The following OPA1 variants were observed in gnomAD, a reference collection of about 807,000 sequenced individuals.
The protein encoded by OPA1 is dynamin-like GTPase OPA1, mitochondrial.
A neutral mutation model predicts 152.9 loss-of-function variants in OPA1; 59 were observed. That is an observed-to-expected ratio of 0.39 (90% CI 0.31 to 0.48). The LOEUF is 0.48. OPA1 is among the 20% of genes least tolerant of loss of function. The pLI is 0.96. For missense variants in OPA1, 1,008 were observed against 1,216.8 expected (o/e 0.83, Z 2.55); for synonymous variants, 400 against 389.9 (o/e 1.03, Z -0.31).
At chr3:193,622,766 A>G (rs886846971) in intron 6 of OPA1, among the ~76,000 whole-genome samples, 1 of 152,134 alleles carries the variant, frequency 6.6e-6, no homozygotes, top group Admixed American at 6.5e-5. Context: ...TCTGTTACTA[A>G]ATCTTTTTCT....
chr3:193,696,412 G>A lies in OPA1; in HGVS notation c.*1812G>A, dbSNP rs1011896705. 6 of 152,178 alleles carry A rather than the reference G, an allele frequency of 3.9e-5. No homozygotes were observed. The highest frequency in any genetic ancestry group is 1.2e-4 in the African/African-American group (5 of 41,440). 9.4% of individuals were successfully genotyped at this position (152,178 alleles called of 1,614,324 possible). On this transcript the variant is annotated 3_prime_UTR_variant, in exon 31 of 31. Coordinates refer to ENST00000361510, the MANE Select transcript of OPA1 (RefSeq NM_130837.3). ...TCTTTGAGGAGATCAGTATTGTAAC[G>A]TATGTGAATAGATGATAACAATTAA...
intron 28 of OPA1, 49 bp downstream of exon 28, chr3:193,666,438 G>A: frequency 7.3e-7 from 1 of 1,365,188 alleles, no homozygotes; most frequent in Non-Finnish European, 1.0e-6. Flanking sequence ...AAAAATAATA[G>A]TGGTAATATC....
intron 29 of OPA1, among the ~76,000 whole-genome samples, chr3:193,684,080 T>G (rs894600841): frequency 6.6e-6 from 1 of 152,164 alleles, no homozygotes; most frequent in Admixed American, 6.5e-5. Context: ...AGCATGGGTC[T>G]TCTTCGTACG....
In OPA1 at chr3:193,662,808, T is replaced by G; in HGVS notation, c.2521-14T>G. 6.2e-7 allele frequency: 1 copy of G among 1,611,310 alleles called. No individual in the cohort carries two copies. The highest frequency in any genetic ancestry group is 8.5e-7 in the Non-Finnish European group (1 of 1,177,972). ...GAACCATCTAAACACAGTCCTTTTT[T>G]AAACATTTTAAAGTGTGTTCACAAT... On this transcript the variant is annotated splice_polypyrimidine_tract_variant and intron_variant, in intron 25 of 30. Transcript: ENST00000361510.
chr3:193,599,866 T>A (rs1485870467), intron 1 of OPA1, among the ~76,000 whole-genome samples: 1 of 152,126 alleles, frequency 6.6e-6, no homozygotes, highest in Non-Finnish European at 1.5e-5. Flanking sequence ...CAGAACAAAT[T>A]TATAGACAGA....
rs367734401 is a variant in OPA1 at position 193,613,569 on chromosome 3, T to G, written c.33-1154T>G. 3.1e-4 allele frequency among the ~76,000 whole-genome samples: 47 copies of G among 152,170 alleles called. 1 individual carries two copies. Among genetic ancestry groups the G allele is most frequent in the East Asian group, 9.6e-4 (5 of 5,184 alleles). On this transcript the variant is annotated intron_variant, in intron 1 of 30. Transcript: ENST00000361510. ...TCCTCCTCCTCCTTCTTTGTTTTTT[T>G]TTTGTTTGTTTGTTTGTTTTTTTTT... is the stretch of plus-strand genomic sequence containing the variant.
intron 1 of OPA1, among the ~76,000 whole-genome samples, chr3:193,598,053 G>A (rs1282251913): frequency 6.6e-6 from 1 of 152,066 alleles, no homozygotes; most frequent in East Asian, 1.9e-4. Flanking sequence ...TGCACTCCAC[G>A]TTGGGCAACA....
chr3:193,614,021 A>G (rs181802833), intron 1 of OPA1: 1 of 516,214 alleles, frequency 1.9e-6, no homozygotes, highest in African/African-American at 1.9e-5. Context: ...ATGTTAAGAT[A>G]TGGTTGTTGG....
intron 1 of OPA1, among the ~76,000 whole-genome samples, chr3:193,600,788 T>G (rs1405173959): frequency 6.6e-6 from 1 of 152,200 alleles, no homozygotes; most frequent in Non-Finnish European, 1.5e-5. Context: ...AAACCCAAGC[T>G]TGCCATTCAC....
chr3:193,615,703 G>T lies in OPA1; in HGVS notation c.381G>T (p.Pro127=). 6.2e-7 allele frequency: 1 copy of T among 1,610,494 alleles called. No homozygotes were observed. The highest frequency in any genetic ancestry group is 8.5e-7 in the Non-Finnish European group (1 of 1,176,892). ...TTGATCAGTGGAAAGATATGATACCGGACCTTAGTGAATATAAATGGATTG... is the reference window on the plus strand; with the variant it reads ...TTGATCAGTGGAAAGATATGATACCTGACCTTAGTGAATATAAATGGATTG... ...KTFDQWKDMI[P]DLSEYKWIVP... Residue 127 remains proline (P), a synonymous_variant, in exon 3 of 31, where the codon CCG becomes CCT. Transcript: ENST00000361510.
rs776670877 is a variant in OPA1 at position 193,659,456 on chromosome 3, C to A, written c.2441-26C>A. ...TTGTGTGTGTGTAAGTGATAAAATT[C>A]TTGATTAATTAATTTTTTTTTCTAG... is the stretch of plus-strand genomic sequence containing the variant. On this transcript the variant is annotated intron_variant, in intron 24 of 30. Coordinates refer to ENST00000361510, the MANE Select transcript of OPA1 (RefSeq NM_130837.3). 5.1e-6 allele frequency: 8 copies of A among 1,560,452 alleles called. No homozygotes were observed. The South Asian group carries it at 9.2e-5, about 18-fold the overall frequency.
intron 21 of OPA1, among the ~76,000 whole-genome samples, chr3:193,651,047 A>G (rs2109100927): frequency 6.6e-6 from 1 of 152,322 alleles, no homozygotes; most frequent in African/African-American, 2.4e-5. Flanking sequence ...GAAAGGCGAC[A>G]CAGGTAGCTG....
rs982955390 is a variant in OPA1, at chr3:193,694,773, G to T, written c.*173G>T. 1 of 152,166 alleles carries T rather than the reference G, an allele frequency of 6.6e-6. No homozygotes were observed. Among genetic ancestry groups the T allele is most frequent in the African/African-American group, 2.4e-5 (1 of 41,442 alleles). The allele number at this position is 152,166 out of a possible 1,614,324, so 9.4% of individuals were successfully genotyped here. A position where few individuals can be genotyped will look rare whatever the true frequency, so the allele number is the denominator to read the frequency against. The stretch of plus-strand genomic sequence containing the variant: ...GCGCTTTAACCATCAGCTGCCTCTC[G>T]AATGGAAGAACAGTGGTAATGGATT... On this transcript the variant is annotated 3_prime_UTR_variant, in exon 31 of 31. Transcript: ENST00000361510.
chr3:193,627,714 G>A (rs999576046), intron 7 of OPA1, among the ~76,000 whole-genome samples: 10 of 152,122 alleles, frequency 6.6e-5, no homozygotes, highest in African/African-American at 2.4e-4. Context: ...TATCCATAAT[G>A]AATACTGATT....
chr3:193,632,330 A>T (rs576315689), intron 8 of OPA1, among the ~76,000 whole-genome samples: 15 of 152,206 alleles, frequency 9.9e-5, no homozygotes, highest in Admixed American at 5.2e-4. Context: ...AAATACAAAA[A>T]ATTAGCTGGG....
chr3:193,666,180 T>A, intron 27 of OPA1, 116 bp from the exon 28 acceptor site: 1 of 829,110 alleles, frequency 1.2e-6, no homozygotes, highest in Non-Finnish European at 2.0e-6. Context: ...ATTAGGTAAA[T>A]CTGAGTACTT....
chr3:193,669,164 C>G lies in OPA1; in HGVS notation c.2983+1884C>G, dbSNP rs147519577. Reference sequence around the variant, plus strand: ...AATCCATAGGGTTATCCTGAAGAAGCCAGGCAGGGCTCTTCTGTGTTACAC... The same window carrying G: ...AATCCATAGGGTTATCCTGAAGAAGGCAGGCAGGGCTCTTCTGTGTTACAC... On this transcript the variant is annotated intron_variant, in intron 29 of 30. Coordinates refer to ENST00000361510, the MANE Select transcript of OPA1 (RefSeq NM_130837.3). 7.2e-3 allele frequency among the ~76,000 whole-genome samples: 1,099 copies of G among 152,318 alleles called. 7 individuals carry two copies. Among genetic ancestry groups the G allele is most frequent in the Non-Finnish European group, 0.012 (843 of 68,024 alleles).
intron 30 of OPA1, among the ~76,000 whole-genome samples, chr3:193,692,730 CAATT>C (rs1399616080): frequency 1.3e-5 from 2 of 152,180 alleles, no homozygotes; most frequent in African/African-American, 4.8e-5. Context: ...GTAGCATAAT[CAATT>C]AATTGTTGCT....
chr3:193,594,670 G>A (rs1369635262), intron 1 of OPA1, among the ~76,000 whole-genome samples: 2 of 152,174 alleles, frequency 1.3e-5, no homozygotes, highest in Non-Finnish European at 2.9e-5. Flanking sequence ...TTACAACCGT[G>A]AGCCACCGCG....
Sources: gnomAD v4.1 joint callset for allele counts (sites outside exome capture counted in the v4.1 genomes callset) on GRCh38, gnomAD v4.1.1 for gene constraint, MANE v1.5 for transcripts, NCBI Gene and HGNC (gene_info 2026-07-23, HGNC 2026-07-21) for gene names.